Variants in PRKAR2A observed in about 807,000 individuals in gnomAD.
The protein encoded by PRKAR2A is cAMP-dependent protein kinase type II-alpha regulatory subunit.
PRKAR2A carries 29 observed loss-of-function variants against 51.9 expected under a neutral mutation model. That is an observed-to-expected ratio of 0.56 (90% CI 0.42 to 0.76). PRKAR2A has a LOEUF of 0.76. Among genes scored for constraint, PRKAR2A ranks in the 30% least tolerant of loss-of-function variants. PRKAR2A has a pLI of 0.00. For missense variants in PRKAR2A, 445 were observed against 512.1 expected, an observed-to-expected ratio of 0.87 and a Z score of 1.26; for synonymous variants, 178 against 186.2, an observed-to-expected ratio of 0.96 and a Z score of 0.36.
At chr3:48,843,928 A>C (rs1186215482) in intron 1 of PRKAR2A, among the ~76,000 whole-genome samples, 1 of 150,812 alleles carries the variant, frequency 6.6e-6, no homozygotes, top group Admixed American at 6.6e-5. Flanking sequence ...AGGCATGGGC[A>C]AGGACTTCAT....
chr3:48,786,307 T>G (rs1417775690), intron 4 of PRKAR2A, among the ~76,000 whole-genome samples: 1 of 150,632 alleles, frequency 6.6e-6, no homozygotes, highest in Non-Finnish European at 1.5e-5. Context: ...GTATTTTTAG[T>G]AGAGAGGAGG....
At chr3:48,780,410 T>C (rs2082174705) in intron 5 of PRKAR2A, among the ~76,000 whole-genome samples, 1 of 151,838 alleles carries the variant, frequency 6.6e-6, no homozygotes, top group African/African-American at 2.4e-5. Context: ...GAGACCAGCC[T>C]GACCAACGTG....
intron 4 of PRKAR2A, among the ~76,000 whole-genome samples, chr3:48,784,885 T>C (rs751089612): frequency 1.3e-5 from 2 of 152,172 alleles, no homozygotes; most frequent in South Asian, 2.1e-4. Flanking sequence ...ACCAACAATG[T>C]TGAAGTACTT....
intron 1 of PRKAR2A, among the ~76,000 whole-genome samples, chr3:48,834,634 G>A (rs1389916397): frequency 6.6e-6 from 1 of 151,232 alleles, no homozygotes; most frequent in African/African-American, 2.4e-5. Flanking sequence ...GCTGAGGCAA[G>A]AGGGTTACTT....
chr3:48,796,128 A>G (rs1364640844), intron 2 of PRKAR2A, among the ~76,000 whole-genome samples: 1 of 152,236 alleles, frequency 6.6e-6, no homozygotes, highest in South Asian at 2.1e-4. Flanking sequence ...CCTCTTCACA[A>G]TACAGGCCAT....
chr3:48,792,918 G>A (rs1269837731), intron 3 of PRKAR2A, among the ~76,000 whole-genome samples: 1 of 151,710 alleles, frequency 6.6e-6, no homozygotes, highest in Non-Finnish European at 1.5e-5. Flanking sequence ...GACAGTGCGA[G>A]ACTCTGTCTC....
chr3:48,781,638 G>A lies in PRKAR2A; in HGVS notation c.542+1348C>T, dbSNP rs528124739. ...AGCGATTCTCCTGCCTCAGCCTCCC[G>A]AGTAGCTGGGACTACAGGCGCGTGC... On this transcript the variant is annotated intron_variant, in intron 5 of 10. Transcript: ENST00000265563. Among the ~76,000 whole-genome samples the A allele has an allele frequency of 9.9e-5, 15 of 151,878 alleles. No homozygotes were observed. The East Asian group carries it at 2.5e-3, about 26-fold the overall frequency.
At chr3:48,791,269 G>T (rs2107313037) in intron 3 of PRKAR2A, among the ~76,000 whole-genome samples, 1 of 103,812 alleles carries the variant, frequency 9.6e-6, no homozygotes, top group Non-Finnish European at 1.8e-5. Flanking sequence ...CCTAGCGACA[G>T]AGAGAGATTC....
chr3:48,791,549 G>A (rs1304884762), intron 3 of PRKAR2A, among the ~76,000 whole-genome samples: 4 of 123,138 alleles, frequency 3.2e-5, no homozygotes, highest in East Asian at 2.7e-4. Flanking sequence ...AGCCAAGATC[G>A]TACCACTGCA....
At chr3:48,809,612 A>G (rs1258376909) in intron 1 of PRKAR2A, among the ~76,000 whole-genome samples, 1 of 150,876 alleles carries the variant, frequency 6.6e-6, no homozygotes, top group Non-Finnish European at 1.5e-5. Flanking sequence ...AAAAAAAAAA[A>G]AAAAAAAAAA....
chr3:48,786,928 AT>A (rs1223934939), intron 4 of PRKAR2A, among the ~76,000 whole-genome samples: 2 of 152,086 alleles, frequency 1.3e-5, no homozygotes, highest in Admixed American at 6.6e-5. Context: ...CTCGCCAAAA[AT>A]ATATAACCAT....
In PRKAR2A at chr3:48,747,033, T is replaced by A. The variant is rs961422890; in HGVS notation, c.*4552A>T. ...AACCCCTCCATGAGGTTAGTGACAG[T>A]TCTTGTCCTTTTTTTTTTTTTTTTT... On this transcript the variant is annotated 3_prime_UTR_variant, in exon 11 of 11. Transcript: ENST00000265563. The A allele has an allele frequency of 2.1e-5, 3 of 145,512 alleles. No individual in the cohort carries two copies. The highest frequency in any genetic ancestry group is 2.1e-4 in the East Asian group (1 of 4,866). 9.0% of individuals were successfully genotyped at this position (145,512 alleles called of 1,614,324 possible).
chr3:48,808,088 C>A (rs1184536223), intron 1 of PRKAR2A, among the ~76,000 whole-genome samples: 1 of 144,674 alleles, frequency 6.9e-6, no homozygotes, highest in Non-Finnish European at 1.5e-5. Context: ...CGCTCTGTAG[C>A]CCAGGCTGGA....
intron 2 of PRKAR2A, among the ~76,000 whole-genome samples, chr3:48,805,165 A>T (rs1467511400): frequency 1.3e-5 from 2 of 152,034 alleles, no homozygotes; most frequent in African/African-American, 4.8e-5. Flanking sequence ...CTCGCACCTC[A>T]GTCTCCCAAA....
At chr3:48,745,174 C>CTTT (rs111854982), downstream of PRKAR2A, among the ~76,000 whole-genome samples, 1 of 128,122 alleles carries the variant, frequency 7.8e-6, no homozygotes, top group Non-Finnish European at 1.7e-5. Flanking sequence ...CGCACCCAGC[C>CTTT]TTTTTTTTTT....
intron 1 of PRKAR2A, among the ~76,000 whole-genome samples, chr3:48,829,116 G>A (rs543107466): frequency 3.9e-5 from 6 of 152,034 alleles, no homozygotes; most frequent in African/African-American, 1.4e-4. Context: ...GATTATAGGC[G>A]TGAGCCACCG....
chr3:48,773,783 A>AAT (rs895261873), intron 5 of PRKAR2A, among the ~76,000 whole-genome samples: 8 of 151,216 alleles, frequency 5.3e-5, no homozygotes, highest in Admixed American at 4.0e-4. Flanking sequence ...CATACACATA[A>AAT]ATATATATAT....
At chr3:48,837,624 T>G (rs942533373) in intron 1 of PRKAR2A, among the ~76,000 whole-genome samples, 1 of 152,130 alleles carries the variant, frequency 6.6e-6, no homozygotes, top group African/African-American at 2.4e-5. Context: ...CACACAGAAC[T>G]TGTACACACA....
chr3:48,798,690 A>G (rs1039157272), intron 2 of PRKAR2A, among the ~76,000 whole-genome samples: 6 of 142,976 alleles, frequency 4.2e-5, no homozygotes, highest in African/African-American at 1.6e-4. Context: ...TGAGAGTCTC[A>G]CACTCCGTCA....
Sources: gnomAD v4.1 joint callset for allele counts (sites outside exome capture counted in the v4.1 genomes callset) on GRCh38, gnomAD v4.1.1 for gene constraint, MANE v1.5 for transcripts, NCBI Gene and HGNC (gene_info 2026-07-23, HGNC 2026-07-21) for gene names.